MSR1: variants seen among roughly 807,000 people sequenced by gnomAD.
The protein encoded by MSR1 is macrophage scavenger receptor types I and II.
Under a neutral mutation model 47.2 loss-of-function variants are expected in MSR1, and 53 were observed. The observed-to-expected ratio is 1.12, with a 90% CI of 0.90 to 1.41. MSR1 has a LOEUF of 1.41. Among genes scored for constraint, MSR1 ranks in the 40% most tolerant of loss-of-function variants. The pLI is 0.00. For synonymous variants in MSR1, 239 were observed against 185.6 expected (o/e 1.29, Z -2.34); for missense variants, 786 against 546.9 (o/e 1.44, Z -4.36).
rs939716493 is a variant in MSR1, at chr8:16,109,812, T to A, written c.*273A>T. On this transcript the variant is annotated 3_prime_UTR_variant, in exon 10 of 10. Coordinates refer to ENST00000262101, the MANE Select transcript of MSR1 (RefSeq NM_138715.3). ...TTTCTATTACCCTTGGCCTTTGTAATCTGGAAGCTATAAACTTCAAAATGT... is the reference window on the plus strand; with the variant it reads ...TTTCTATTACCCTTGGCCTTTGTAAACTGGAAGCTATAAACTTCAAAATGT... The A allele has an allele frequency of 9.3e-6, 4 of 431,506 alleles. No individual in the cohort carries two copies. The highest frequency in any genetic ancestry group is 6.6e-4 in the Middle Eastern group (1 of 1,510). The allele number at this position is 431,506 out of a possible 1,614,324, so 26.7% of individuals were successfully genotyped here. A position where few individuals can be genotyped will look rare whatever the true frequency, so the allele number is the denominator to read the frequency against.
chr8:16,148,450 C>A (rs929627040), intron 7 of MSR1, among the ~76,000 whole-genome samples: 2 of 150,534 alleles, frequency 1.3e-5, no homozygotes, highest in African/African-American at 4.9e-5. Context: ...AGCTGCTTTA[C>A]GTAGAATTTC....
chr8:16,113,323 G>C (rs1799806234), intron 9 of MSR1, among the ~76,000 whole-genome samples: 2 of 151,986 alleles, frequency 1.3e-5, no homozygotes, highest in South Asian at 4.1e-4. Context: ...AATCTTACCA[G>C]CATTTCCATG....
At chr8:16,163,299 T>G (rs1426892434) in intron 5 of MSR1, among the ~76,000 whole-genome samples, 1 of 150,128 alleles carries the variant, frequency 6.7e-6, no homozygotes, top group East Asian at 1.9e-4. Flanking sequence ...GATGGTCAGA[T>G]TGTATATTTT....
Position 16,116,732 on chromosome 8 carries a change from T to A in MSR1, c.1222+3686A>T, listed in dbSNP as rs184341807. Among the ~76,000 whole-genome samples, 21 of 152,296 alleles carry A rather than the reference T, an allele frequency of 1.4e-4. No homozygotes were observed. The East Asian group carries it at 2.1e-3, about 15-fold the overall frequency. On this transcript the variant is annotated intron_variant, in intron 9 of 9. Coordinates refer to ENST00000262101, the MANE Select transcript of MSR1 (RefSeq NM_138715.3). Reference sequence around the variant, plus strand: ...AGTTTTGAGGAAAATACTATTTTACTCATGAGACTAAGCCTTAAAGTTAAT... The same window carrying A: ...AGTTTTGAGGAAAATACTATTTTACACATGAGACTAAGCCTTAAAGTTAAT...
chr8:16,110,176 C>T lies in MSR1; in HGVS notation c.1265G>A (p.Arg422Lys). 1 of 1,613,656 alleles carries T rather than the reference C, an allele frequency of 6.2e-7. No homozygotes were observed. The highest frequency in any genetic ancestry group is 1.1e-5 in the South Asian group (1 of 91,074). The change falls in exon 10 of 10, where the codon AGA (arginine) becomes AAA (lysine). Residue 422 changes from arginine to lysine, a missense_variant. Physicochemically the swap from Arg to Lys is conservative, Grantham distance 26 (BLOSUM62 2). Coordinates refer to ENST00000262101, the MANE Select transcript of MSR1 (RefSeq NM_138715.3). ...IWLNEVFCFG[R>K]ESSIEECKIR... is the part of the protein sequence containing the mutation. Reference sequence around the variant, plus strand: ...TTTACATTCTTCAATAGATGATTCTCTCCCAAAACAAAACACTTCATTCAG... The same window carrying T: ...TTTACATTCTTCAATAGATGATTCTTTCCCAAAACAAAACACTTCATTCAG...
chr8:16,186,022 T>C (rs967433357), intron 1 of MSR1: 18 of 729,892 alleles, frequency 2.5e-5, no homozygotes, highest in Non-Finnish European at 4.0e-5. Flanking sequence ...CTGCAAGAAA[T>C]CCATAACCTG....
At chr8:16,177,111 C>T (rs1203507587) in intron 2 of MSR1, among the ~76,000 whole-genome samples, 3 of 152,076 alleles carry the variant, frequency 2.0e-5, no homozygotes, top group African/African-American at 7.2e-5. Flanking sequence ...TAGCTGTTGT[C>T]GTAACCTGTG....
At position 16,150,249 on chromosome 8, in the gene MSR1, C is replaced by G; in HGVS notation, c.961G>C (p.Gly321Arg). The G allele has an allele frequency of 6.4e-7, 1 of 1,557,904 alleles. No homozygotes were observed. The highest frequency in any genetic ancestry group is 8.7e-7 in the Non-Finnish European group (1 of 1,148,554). Residue 321 changes from glycine (G) to arginine (R), a missense_variant, in exon 7 of 10, where the codon GGA (glycine) becomes CGA (arginine). Transcript: ENST00000262101. Reference sequence around the variant, plus strand: ...GTAATACCTGGCCTTCCGGCATATCCTGGGAGTCCTCGACTTCCAGGAAAG... The same window carrying G: ...GTAATACCTGGCCTTCCGGCATATCGTGGGAGTCCTCGACTTCCAGGAAAG... ...IGFPGSRGLP[G>R]YAGRPGNSGP...
chr8:16,155,898 C>T lies in MSR1; in HGVS notation c.818-754G>A, dbSNP rs923322987. 6.6e-5 allele frequency among the ~76,000 whole-genome samples: 10 copies of T among 151,758 alleles called. 1 individual carries two copies. The highest frequency in any genetic ancestry group is 5.9e-4 in the Admixed American group (9 of 15,180). On this transcript the variant is annotated intron_variant, in intron 5 of 9. Transcript: ENST00000262101. ...GAGACATTGCAAGGAAAACTTTGGT[C>T]TCATCATTTTTTTTCAGGTGGCTCT...
chr8:16,124,937 TAA>T (rs1182692773), intron 8 of MSR1, among the ~76,000 whole-genome samples: 1 of 152,138 alleles, frequency 6.6e-6, no homozygotes, highest in Non-Finnish European at 1.5e-5. Context: ...TAATATTTCA[TAA>T]GTCTTCAGAG....
intron 7 of MSR1, among the ~76,000 whole-genome samples, chr8:16,145,276 A>G (rs1335756687): frequency 6.6e-6 from 1 of 152,112 alleles, no homozygotes; most frequent in Non-Finnish European, 1.5e-5. Flanking sequence ...CAAAGCACCC[A>G]AAACCTTTCC....
At position 16,175,290 on chromosome 8, in the gene MSR1, G is replaced by C. The variant is rs748299769; in HGVS notation, c.114C>G (p.Asn38Lys). Residue 38 changes from asparagine (N) to lysine (K), a missense_variant, in exon 3 of 10, where the codon AAC (asparagine) becomes AAG (lysine). Coordinates refer to ENST00000262101, the MANE Select transcript of MSR1 (RefSeq NM_138715.3). ...MTALLPPNPK[N>K]SPSLQEKLKS... ...TCAGTTTCTCTTGAAGGGAAGGGCTGTTTTTAGGATCTAATAAAACAAAAA... is the reference window on the plus strand; with the variant it reads ...TCAGTTTCTCTTGAAGGGAAGGGCTCTTTTTAGGATCTAATAAAACAAAAA... 6.2e-6 allele frequency: 10 copies of C among 1,613,718 alleles called. No individual in the cohort carries two copies. In the South Asian group the frequency reaches 1.1e-4, roughly 18 times the overall value.
intron 1 of MSR1, among the ~76,000 whole-genome samples, chr8:16,186,956 C>T (rs536859758): frequency 4.5e-4 from 69 of 152,180 alleles, no homozygotes; most frequent in African/African-American, 1.6e-3. Context: ...TTCACGCTTA[C>T]ATTCTTGAAT....
chr8:16,189,254 ATCT>A (rs1381019326), intron 1 of MSR1, among the ~76,000 whole-genome samples: 1 of 139,012 alleles, frequency 7.2e-6, no homozygotes, highest in African/African-American at 2.6e-5. Context: ...TTTAGATATA[ATCT>A]TATTTTATTT....
intron 5 of MSR1, 82 bp downstream of exon 5, chr8:16,163,983 G>T: frequency 9.1e-7 from 1 of 1,100,322 alleles, no homozygotes; most frequent in Non-Finnish European, 1.3e-6. Flanking sequence ...CAAACCATAG[G>T]ATTTCAAATA....
chr8:16,187,421 GCTGACTGTTC>G (rs1404004410), intron 1 of MSR1, among the ~76,000 whole-genome samples: 2 of 125,044 alleles, frequency 1.6e-5, no homozygotes, highest in Non-Finnish European at 3.4e-5. Flanking sequence ...AAGCAAGCAA[GCTGACTGTTC>G]CTGAACATCC....
chr8:16,178,801 C>A (rs1381368395), intron 1 of MSR1, among the ~76,000 whole-genome samples: 1 of 152,042 alleles, frequency 6.6e-6, no homozygotes, highest in Non-Finnish European at 1.5e-5. Context: ...ACCATTCTAA[C>A]TGGTGTGAGA....
intron 3 of MSR1, among the ~76,000 whole-genome samples, chr8:16,173,151 T>G (rs1033739073): frequency 6.6e-6 from 1 of 152,214 alleles, no homozygotes; most frequent in African/African-American, 2.4e-5. Flanking sequence ...GTACCTACTG[T>G]AGTTTCAGTA....
chr8:16,145,552 T>A (rs1022726471), intron 7 of MSR1, among the ~76,000 whole-genome samples: 1 of 152,154 alleles, frequency 6.6e-6, no homozygotes, highest in Non-Finnish European at 1.5e-5. Context: ...AGAATAGACA[T>A]GCTTAAGCCA....
Sources: allele counts gnomAD v4.1 joint callset (sites outside exome capture counted in the v4.1 genomes callset), GRCh38; gene constraint gnomAD v4.1.1; transcripts MANE v1.5; gene names NCBI Gene and HGNC (gene_info 2026-07-23, HGNC 2026-07-21).